RBL1: variants seen among roughly 807,000 people sequenced by gnomAD.
RBL1 encodes the protein RB transcriptional corepressor like 1.
In RBL1, 82 loss-of-function variants were observed where a neutral mutation model predicts 123.0. That is an observed-to-expected ratio of 0.67 (90% CI 0.56 to 0.80). The LOEUF is 0.80. Ranked by LOEUF, RBL1 falls within the 30% of genes least tolerant of loss-of-function variation. The pLI, the probability that RBL1 is intolerant of heterozygous loss-of-function variation, is 0.00. For missense variants in RBL1, 1,171 were observed against 1,299.6 expected (o/e 0.90, Z 1.52); for synonymous variants, 405 against 441.3 (o/e 0.92, Z 1.03).
At chr20:37,030,386 C>T (rs760594679) in intron 16 of RBL1, among the ~76,000 whole-genome samples, 5 of 152,140 alleles carry the variant, frequency 3.3e-5, no homozygotes, top group Non-Finnish European at 4.4e-5. Flanking sequence ...TATCCATGTG[C>T]AAAAGAATGA....
At chr20:37,022,361 C>T (rs1212350608) in intron 17 of RBL1, among the ~76,000 whole-genome samples, 3 of 152,188 alleles carry the variant, frequency 2.0e-5, no homozygotes, top group African/African-American at 7.2e-5. Flanking sequence ...GGGTCTTGCT[C>T]TATTGCCCAG....
intron 16 of RBL1, among the ~76,000 whole-genome samples, chr20:37,026,749 T>C (rs2064429370): frequency 6.6e-6 from 1 of 151,094 alleles, no homozygotes; most frequent in Non-Finnish European, 1.5e-5. Flanking sequence ...CTCACACCTG[T>C]AATACTAGTA....
chr20:37,003,303 T>C (rs1187786756), intron 21 of RBL1, among the ~76,000 whole-genome samples: 1 of 152,180 alleles, frequency 6.6e-6, no homozygotes, highest in African/African-American at 2.4e-5. Flanking sequence ...GAGTTGTCTA[T>C]GTACGTAAGA....
At chr20:37,046,858 C>T (rs903469653) in intron 12 of RBL1, among the ~76,000 whole-genome samples, 195 bp downstream of exon 12, 2 of 152,046 alleles carry the variant, frequency 1.3e-5, no homozygotes, top group Admixed American at 1.3e-4. Context: ...GATAATCCTC[C>T]CACCTTGGCC....
intron 16 of RBL1, among the ~76,000 whole-genome samples, chr20:37,028,400 C>A (rs1191454284): frequency 6.6e-6 from 1 of 151,842 alleles, no homozygotes; most frequent in African/African-American, 2.4e-5. Flanking sequence ...GGTGGTGACT[C>A]ACACAGTAAT....
chr20:37,081,599 C>T (rs1258166155), intron 2 of RBL1, among the ~76,000 whole-genome samples: 1 of 152,154 alleles, frequency 6.6e-6, no homozygotes, highest in Non-Finnish European at 1.5e-5. Context: ...TTTGAGGCTG[C>T]AGTGAGCTAT....
intron 2 of RBL1, 121 bp downstream of exon 2, chr20:37,088,864 AAAAT>A (rs535306752): frequency 9.4e-4 from 598 of 635,966 alleles, no homozygotes; most frequent in Middle Eastern, 1.8e-3. Context: ...CTGCGTCTCA[AAAAT>A]AAATAAATAA....
At chr20:37,026,626 C>T (rs566878063) in intron 16 of RBL1, among the ~76,000 whole-genome samples, 3 of 151,508 alleles carry the variant, frequency 2.0e-5, no homozygotes, top group Non-Finnish European at 4.4e-5. Context: ...ATTGCTTGAA[C>T]CCGGGCGGCA....
chr20:37,023,213 C>T (rs2146231353), intron 16 of RBL1, among the ~76,000 whole-genome samples: 1 of 152,116 alleles, frequency 6.6e-6, no homozygotes, highest in Admixed American at 6.6e-5. Context: ...CCTCTGCCTT[C>T]TGCATTCAAG....
rs555344221 is a variant in RBL1, at chr20:37,055,903, C to T, written c.1363+243G>A. ...ATCTCTACTAAACATACAAAATTAG[C>T]CGGTGTGGTGGTGGGTCCCTGTAAT... On this transcript the variant is annotated intron_variant, in intron 10 of 21. Coordinates refer to ENST00000373664, the MANE Select transcript of RBL1 (RefSeq NM_002895.5). Among the ~76,000 whole-genome samples, 6 of 151,860 alleles carry T rather than the reference C, an allele frequency of 4.0e-5. No homozygotes were observed. In the South Asian group the frequency reaches 1.2e-3, roughly 32 times the overall value.
At chr20:37,085,127 CTTTTCT>C (rs1250329752) in intron 2 of RBL1, among the ~76,000 whole-genome samples, 2 of 146,258 alleles carry the variant, frequency 1.4e-5, no homozygotes, top group East Asian at 4.1e-4. Context: ...TTTTTCTTTT[CTTTTCT>C]TTTTTTTTTT....
intron 16 of RBL1, among the ~76,000 whole-genome samples, chr20:37,027,106 G>T (rs1568835925): frequency 6.6e-6 from 1 of 152,044 alleles, no homozygotes; most frequent in Non-Finnish European, 1.5e-5. Context: ...AGCACTTTGG[G>T]AGGCTGAGGT....
chr20:37,069,348 G>T (rs1009404715), intron 2 of RBL1, among the ~76,000 whole-genome samples: 1 of 151,724 alleles, frequency 6.6e-6, no homozygotes, highest in African/African-American at 2.4e-5. Context: ...AGTCTGGAAA[G>T]TGAGGAGCGT....
At chr20:37,014,833 C>G (rs1247858640) in intron 19 of RBL1, among the ~76,000 whole-genome samples, 2 of 151,930 alleles carry the variant, frequency 1.3e-5, no homozygotes, top group Admixed American at 6.6e-5. Context: ...GAGGCCAAGG[C>G]GGGTGGAATA....
chr20:37,000,787 G>A (rs1481481722), intron 21 of RBL1, among the ~76,000 whole-genome samples: 290 of 137,420 alleles, frequency 2.1e-3, no homozygotes, highest in African/African-American at 7.6e-3. Context: ...TCAGCCCCCC[G>A]CCCGGCCAGC....
At chr20:37,027,456 C>A (rs1242139347) in intron 16 of RBL1, among the ~76,000 whole-genome samples, 1 of 152,162 alleles carries the variant, frequency 6.6e-6, no homozygotes, top group Admixed American at 6.5e-5. Flanking sequence ...TGGGCTCTAG[C>A]GTGCTATAAC....
At chr20:37,055,080 TGAA>T (rs1304045100) in intron 11 of RBL1, among the ~76,000 whole-genome samples, 1 of 151,904 alleles carries the variant, frequency 6.6e-6, no homozygotes, top group African/African-American at 2.4e-5. Flanking sequence ...AGGGAAATAA[TGAA>T]GGAGGAGGAA....
chr20:37,020,207 G>A (rs1011993700), intron 18 of RBL1, among the ~76,000 whole-genome samples: 4 of 151,230 alleles, frequency 2.6e-5, no homozygotes, highest in African/African-American at 9.7e-5. Context: ...TCCTGCCTCA[G>A]CCTCCCGAGT....
chr20:37,026,108 G>GA (rs2064416396), intron 16 of RBL1, among the ~76,000 whole-genome samples: 1 of 152,154 alleles, frequency 6.6e-6, no homozygotes, highest in African/African-American at 2.4e-5. Context: ...GACTTTATGT[G>GA]AAAGATAAAT....
Sources: allele counts gnomAD v4.1 joint callset (sites outside exome capture counted in the v4.1 genomes callset), GRCh38; gene constraint gnomAD v4.1.1; transcripts MANE v1.5; gene names NCBI Gene and HGNC (gene_info 2026-07-23, HGNC 2026-07-21).